Variants in CPO observed in about 807,000 individuals in gnomAD.
The protein encoded by CPO is metallocarboxypeptidase C.
CPO carries 43 observed loss-of-function variants against 41.2 expected under a neutral mutation model. The ratio of observed to expected loss-of-function variants is 1.04; its 90% CI spans 0.82 to 1.35. The LOEUF (loss-of-function observed/expected upper bound fraction) is 1.35, where lower values mean the gene tolerates loss of function less well. Among genes scored for constraint, CPO ranks in the 40% most tolerant of loss-of-function variants. The pLI is 0.00. For synonymous variants in CPO, 178 were observed against 162.7 expected, an observed-to-expected ratio of 1.09 and a Z score of -0.72; for missense variants, 408 against 451.7, an observed-to-expected ratio of 0.90 and a Z score of 0.88.
At chr2:206,943,785 G>GATAGATAGA (rs1559068550) in intron 1 of CPO, among the ~76,000 whole-genome samples, 1 of 131,334 alleles carries the variant, frequency 7.6e-6, no homozygotes, top group Non-Finnish European at 1.8e-5. Flanking sequence ...TAGATGATAA[G>GATAGATAGA]CAGATAGATG....
At chr2:206,955,236 A>G (rs1693335678) in intron 2 of CPO, among the ~76,000 whole-genome samples, 1 of 152,314 alleles carries the variant, frequency 6.6e-6, no homozygotes, top group East Asian at 1.9e-4. Context: ...ATTCTTAATA[A>G]CTTATTGGTA....
At chr2:206,949,500 G>A (rs1693209552) in intron 1 of CPO, 117 bp from the exon 2 acceptor site, 2 of 689,992 alleles carry the variant, frequency 2.9e-6, no homozygotes, top group Non-Finnish European at 5.1e-6. Context: ...TCCAACACAG[G>A]CTTTTGTCCT....
rs1396205215 is a variant in CPO at position 206,969,251 on chromosome 2, A to G, written c.940A>G (p.Ser314Gly). Residue 314 changes from serine to glycine, a missense_variant, in exon 9 of 9, where the codon AGT becomes GGT. Transcript: ENST00000272852. ...CTCATATACGTTTGAGCTGAGGGAC[A>G]GTGGAACATATGGGTTTGTTCTGCC... is the stretch of plus-strand genomic sequence containing the variant. ...PFSYTFELRD[S>G]GTYGFVLPEA... The G allele has an allele frequency of 1.2e-6, 2 of 1,614,174 alleles. No homozygotes were observed. Among genetic ancestry groups the G allele is most frequent in the Middle Eastern group, 1.6e-4 (1 of 6,062 alleles).
Position 206,959,660 on chromosome 2 carries a change from T to G in CPO, c.402T>G (p.Ser134Arg), listed in dbSNP as rs11903403. The G allele has an allele frequency of 0.46, 690,633 of 1,509,878 alleles. 161,710 individuals carry two copies. The highest frequency in any genetic ancestry group is 0.51 in the African/African-American group (37,262 of 72,716). The allele number at this position is 1,509,878 out of a possible 1,614,324, so 93.5% of individuals were successfully genotyped here. Residue 134 changes from serine (S) to arginine (R), a missense_variant, in exon 5 of 9, where the codon AGT becomes AGG. Coordinates refer to ENST00000272852, the MANE Select transcript of CPO (RefSeq NM_173077.3). ...TACAAAACCATAAAGACAACTCAAG[T>G]ATACGCAAGCTCCTTAGGAACCTGG... ...EILQNHKDNS[S>R]IRKLLRNLDF...
At chr2:206,960,590 T>A (rs1693460143) in intron 5 of CPO, among the ~76,000 whole-genome samples, 1 of 152,264 alleles carries the variant, frequency 6.6e-6, no homozygotes, top group African/African-American at 2.4e-5. Context: ...AATCTGCTCA[T>A]GAGGAAAAGG....
intron 6 of CPO, among the ~76,000 whole-genome samples, chr2:206,961,401 G>A (rs919183935): frequency 2.6e-5 from 4 of 152,140 alleles, no homozygotes; most frequent in East Asian, 1.9e-4. Context: ...GGCTGAGAAC[G>A]TTGCCATTAA....
intron 1 of CPO, among the ~76,000 whole-genome samples, chr2:206,949,097 T>C (rs964962206): frequency 6.6e-6 from 1 of 151,944 alleles, no homozygotes; most frequent in Non-Finnish European, 1.5e-5. Flanking sequence ...AGATTAGTTC[T>C]CACCATTATA....
At chr2:206,940,329 CTG>C (rs1221841081) in intron 1 of CPO, among the ~76,000 whole-genome samples, 2 of 151,976 alleles carry the variant, frequency 1.3e-5, no homozygotes, top group Non-Finnish European at 2.9e-5. Flanking sequence ...GGGTCAGTAA[CTG>C]AGGAAAATGT....
At chr2:206,960,976 A>C (rs200132522) in intron 6 of CPO, 34 bp downstream of exon 6, 3 of 1,369,474 alleles carry the variant, frequency 2.2e-6, no homozygotes, top group Non-Finnish European at 3.1e-6. Context: ...ATTATGAACA[A>C]ATAAAGCTGA....
rs1693118484 is a variant in CPO at position 206,945,053 on chromosome 2, TA to T, written c.69-4563del. Among the ~76,000 whole-genome samples, 18 of 152,242 alleles carry T rather than the reference TA, an allele frequency of 1.2e-4. No homozygotes were observed. In the South Asian group the frequency reaches 3.7e-3, roughly 32 times the overall value. On this transcript the variant is annotated intron_variant, in intron 1 of 8. Coordinates refer to ENST00000272852, the MANE Select transcript of CPO (RefSeq NM_173077.3). ...TTTAACACTTACTAGGAATTGACTA[TA>T]TGTCAGAAATTGTGCTTATTGTTAA...
intron 3 of CPO, among the ~76,000 whole-genome samples, chr2:206,956,484 A>G (rs1693361632): frequency 1.3e-5 from 2 of 152,134 alleles, no homozygotes; most frequent in Admixed American, 6.5e-5. Context: ...GTCCCTGCAA[A>G]GGTCTACTAA....
intron 7 of CPO, among the ~76,000 whole-genome samples, chr2:206,963,390 G>A (rs999951109): frequency 2.0e-5 from 3 of 152,038 alleles, no homozygotes; most frequent in Non-Finnish European, 4.4e-5. Context: ...CTTAACCATT[G>A]TTAAAGTATA....
chr2:206,948,384 A>G (rs1693186134), intron 1 of CPO, among the ~76,000 whole-genome samples: 1 of 152,240 alleles, frequency 6.6e-6, no homozygotes, highest in African/African-American at 2.4e-5. Flanking sequence ...AGACAAAACT[A>G]TGGAGAAGTA....
chr2:206,947,530 C>T (rs767892945), intron 1 of CPO, among the ~76,000 whole-genome samples: 2 of 152,026 alleles, frequency 1.3e-5, no homozygotes, highest in South Asian at 2.1e-4. Flanking sequence ...GCACAATCCT[C>T]GAAAGTAAGA....
intron 5 of CPO, 41 bp downstream of exon 5, chr2:206,959,782 T>C (rs1308448597): frequency 2.3e-6 from 2 of 865,076 alleles, no homozygotes; most frequent in African/African-American, 3.4e-5. Flanking sequence ...GTTCATGAAC[T>C]AAAGCTCAAT....
At chr2:206,946,065 A>G (rs1693139462) in intron 1 of CPO, among the ~76,000 whole-genome samples, 1 of 152,272 alleles carries the variant, frequency 6.6e-6, no homozygotes, top group Non-Finnish European at 1.5e-5. Context: ...ATTTAAGGAA[A>G]AAATTATACC....
At chr2:206,959,506 G>T in intron 4 of CPO, 125 bp from the exon 5 acceptor site, 1 of 606,434 alleles carries the variant, frequency 1.6e-6, no homozygotes, top group South Asian at 2.1e-5. Flanking sequence ...ACGGAGGAGG[G>T]CTTGGGGACT....
chr2:206,967,041 T>C (rs570609905), intron 7 of CPO, among the ~76,000 whole-genome samples: 1 of 152,008 alleles, frequency 6.6e-6, no homozygotes, highest in South Asian at 2.1e-4. Flanking sequence ...GCACCTGGAG[T>C]GCAGTCAGGA....
intron 7 of CPO, among the ~76,000 whole-genome samples, chr2:206,965,923 A>G (rs1693567546): frequency 6.6e-6 from 1 of 152,188 alleles, no homozygotes. Flanking sequence ...CCACCTCCAG[A>G]GACAGAAGTT....
Sources: gnomAD v4.1 joint callset for allele counts (sites outside exome capture counted in the v4.1 genomes callset) on GRCh38, gnomAD v4.1.1 for gene constraint, MANE v1.5 for transcripts, NCBI Gene and HGNC (gene_info 2026-07-23, HGNC 2026-07-21) for gene names.